The following LHFPL6 variants were observed in gnomAD, a reference collection of about 807,000 sequenced individuals.
LHFPL6 encodes the protein LHFPL tetraspan subfamily member 6 protein.
LHFPL6 carries 9 observed loss-of-function variants against 20.6 expected under a neutral mutation model. The ratio of observed to expected loss-of-function variants is 0.44; its 90% CI spans 0.26 to 0.76. LHFPL6 has a LOEUF of 0.76. Among genes scored for constraint, LHFPL6 ranks in the 30% least tolerant of loss-of-function variants. LHFPL6 has a pLI of 0.20. For missense variants in LHFPL6, 218 were observed against 253.5 expected, an observed-to-expected ratio of 0.86 and a Z score of 0.95; for synonymous variants, 105 against 98.7, an observed-to-expected ratio of 1.06 and a Z score of -0.38.
At chr13:39,380,510 G>GTTTT (rs56370946) in intron 2 of LHFPL6, among the ~76,000 whole-genome samples, 3 of 133,548 alleles carry the variant, frequency 2.2e-5, no homozygotes, top group East Asian at 4.4e-4. Context: ...GGTGGCATCA[G>GTTTT]TTTTTTTTTT....
intron 2 of LHFPL6, among the ~76,000 whole-genome samples, chr13:39,586,673 T>C (rs904600243): frequency 1.3e-5 from 2 of 152,178 alleles, no homozygotes; most frequent in Admixed American, 1.3e-4. Context: ...TTCAAAATCC[T>C]TTTCTTTCTA....
At chr13:39,515,094 T>A (rs563948822) in intron 2 of LHFPL6, among the ~76,000 whole-genome samples, 1 of 152,224 alleles carries the variant, frequency 6.6e-6, no homozygotes, top group East Asian at 1.9e-4. Context: ...CCCCTTTAAG[T>A]GGAGTGGCTG....
chr13:39,479,902 T>C (rs1045725551), intron 2 of LHFPL6, among the ~76,000 whole-genome samples: 2 of 152,196 alleles, frequency 1.3e-5, no homozygotes, highest in African/African-American at 2.4e-5. Flanking sequence ...CAGGGCCGGG[T>C]GTACCCCCGA....
Position 39,361,320 on chromosome 13 carries a change from T to G in LHFPL6, c.484+17108A>C, listed in dbSNP as rs978140104. ...TCTGAAGAATTTTTTTTAATTTTTT[T>G]TATTTTTTTTTATTTTGAGATGGAG... On this transcript the variant is annotated intron_variant, in intron 3 of 3. Transcript: ENST00000379589. 1.9e-5 allele frequency among the ~76,000 whole-genome samples: 2 copies of G among 107,584 alleles called. 1 individual carries two copies. Among genetic ancestry groups the G allele is most frequent in the Non-Finnish European group, 4.1e-5 (2 of 48,996 alleles). 70.6% of individuals were successfully genotyped at this position (107,584 alleles called of 152,430 possible).
rs1361588451 is a variant in LHFPL6, at chr13:39,556,095, G to T, written c.385+44737C>A. ...CTTCCTGAAGCCCACACCAGAAGCT[G>T]AGCAGATGTCAGCGCCATGTTTCCT... On this transcript the variant is annotated intron_variant, in intron 2 of 3. Transcript: ENST00000379589. Among the ~76,000 whole-genome samples, 7 of 152,292 alleles carry T rather than the reference G, an allele frequency of 4.6e-5. No individual in the cohort carries two copies. In the East Asian group the frequency reaches 1.2e-3, roughly 25 times the overall value.
chr13:39,538,419 G>A (rs1318384569), intron 2 of LHFPL6, among the ~76,000 whole-genome samples: 1 of 149,796 alleles, frequency 6.7e-6, no homozygotes, highest in Non-Finnish European at 1.5e-5. Flanking sequence ...TGCCAACCAT[G>A]TTTAACCTGA....
intron 2 of LHFPL6, among the ~76,000 whole-genome samples, chr13:39,462,591 C>G (rs1233367183): frequency 6.6e-6 from 1 of 152,138 alleles, no homozygotes; most frequent in African/African-American, 2.4e-5. Flanking sequence ...TATTAAGCAA[C>G]AAATAAATGC....
intron 2 of LHFPL6, among the ~76,000 whole-genome samples, chr13:39,484,302 C>T (rs1228282811): frequency 1.1e-4 from 16 of 152,178 alleles, no homozygotes. Flanking sequence ...GAGTAGGCAC[C>T]ACCATCTATC....
At chr13:39,524,404 T>C (rs1044246095) in intron 2 of LHFPL6, among the ~76,000 whole-genome samples, 1 of 151,738 alleles carries the variant, frequency 6.6e-6, no homozygotes, top group African/African-American at 2.4e-5. Context: ...AAAAACCACA[T>C]TTATTTATAC....
At chr13:39,398,674 C>T (rs747080648) in intron 2 of LHFPL6, among the ~76,000 whole-genome samples, 4 of 152,184 alleles carry the variant, frequency 2.6e-5, no homozygotes, top group Non-Finnish European at 4.4e-5. Flanking sequence ...GGCCACAGAC[C>T]GCTACCAGTC....
intron 2 of LHFPL6, among the ~76,000 whole-genome samples, chr13:39,556,908 G>A (rs1258529926): frequency 2.0e-5 from 3 of 150,970 alleles, no homozygotes. Context: ...GCTGCAGTGA[G>A]CCATGATCAC....
At chr13:39,416,594 G>A (rs975805127) in intron 2 of LHFPL6, among the ~76,000 whole-genome samples, 1 of 152,184 alleles carries the variant, frequency 6.6e-6, no homozygotes, top group Non-Finnish European at 1.5e-5. Context: ...GTCTGCAGCT[G>A]GAGAACAGTG....
chr13:39,402,677 T>C (rs543565671), intron 2 of LHFPL6, among the ~76,000 whole-genome samples: 1 of 152,284 alleles, frequency 6.6e-6, no homozygotes, highest in Admixed American at 6.5e-5. Flanking sequence ...AAATGCAGAC[T>C]CATGAAAAGC....
At chr13:39,441,861 C>T (rs1458654701) in intron 2 of LHFPL6, among the ~76,000 whole-genome samples, 1 of 136,440 alleles carries the variant, frequency 7.3e-6, no homozygotes, top group African/African-American at 2.8e-5. Context: ...CAGAGTTTCA[C>T]TCTTGTCGCC....
intron 2 of LHFPL6, among the ~76,000 whole-genome samples, chr13:39,460,058 C>T (rs1395947298): frequency 3.9e-5 from 4 of 101,874 alleles, no homozygotes; most frequent in Non-Finnish European, 5.6e-5. Context: ...ACTTACCTTA[C>T]AAAATTTAAT....
chr13:39,475,447 A>G (rs1374811096), intron 2 of LHFPL6, among the ~76,000 whole-genome samples: 2 of 151,964 alleles, frequency 1.3e-5, no homozygotes, highest in Non-Finnish European at 2.9e-5. Context: ...TTTGGAAGGA[A>G]GGAAGCCATG....
intron 2 of LHFPL6, among the ~76,000 whole-genome samples, chr13:39,534,196 G>A (rs1054688819): frequency 3.3e-5 from 5 of 152,020 alleles, no homozygotes; most frequent in African/African-American, 1.2e-4. Context: ...TTACTTTTTT[G>A]TTTTTTAGGA....
intron 2 of LHFPL6, among the ~76,000 whole-genome samples, chr13:39,540,903 C>G (rs539600730): frequency 4.6e-4 from 70 of 152,134 alleles, no homozygotes; most frequent in Non-Finnish European, 8.4e-4. Flanking sequence ...ATTTAGAACA[C>G]GTTAACAGAG....
At chr13:39,526,007 T>C (rs1870275084) in intron 2 of LHFPL6, among the ~76,000 whole-genome samples, 2 of 152,238 alleles carry the variant, frequency 1.3e-5, no homozygotes, top group Admixed American at 1.3e-4. Flanking sequence ...CAGAACCAAG[T>C]CCTCCCAGTT....
Sources: gnomAD v4.1 joint callset for allele counts (sites outside exome capture counted in the v4.1 genomes callset) on GRCh38, gnomAD v4.1.1 for gene constraint, MANE v1.5 for transcripts, NCBI Gene and HGNC (gene_info 2026-07-23, HGNC 2026-07-21) for gene names.